FNIP1: variants seen among roughly 807,000 people sequenced by gnomAD.
The protein encoded by FNIP1 is folliculin interacting protein 1, also known as folliculin-interacting protein 1.
Under a neutral mutation model 124.5 loss-of-function variants are expected in FNIP1, and 40 were observed. The observed-to-expected ratio is 0.32, with a 90% CI of 0.25 to 0.42. FNIP1 has a LOEUF of 0.42. Among genes scored for constraint, FNIP1 ranks in the 10% least tolerant of loss-of-function variants. The pLI, the probability that FNIP1 is intolerant of heterozygous loss-of-function variation, is 1.00. For missense variants in FNIP1, 1,176 were observed against 1,403.7 expected, an observed-to-expected ratio of 0.84 and a Z score of 2.59; for synonymous variants, 472 against 470.6, an observed-to-expected ratio of 1.00 and a Z score of -0.04.
chr5:131,644,745 A>C lies in FNIP1; in HGVS notation c.3441T>G (p.Leu1147=), dbSNP rs769285164. The part of the protein sequence containing the change: ...GVVLGIESSD[L]PLLAAVASTH... ...TGCTTGCTACAGCAGCCAGAAGTGG[A>C]AGATCACTGGATTCAATCCTGAAAT... The change falls in exon 18 of 18, where the codon CTT becomes CTG. Residue 1147 remains leucine, a synonymous_variant. Transcript: ENST00000510461. 6.2e-7 allele frequency: 1 copy of C among 1,613,988 alleles called. No individual in the cohort carries two copies. Among genetic ancestry groups the C allele is most frequent in the African/African-American group, 1.3e-5 (1 of 75,042 alleles).
At chr5:131,715,854 A>G (rs1321761546) in intron 6 of FNIP1, among the ~76,000 whole-genome samples, 1 of 151,964 alleles carries the variant, frequency 6.6e-6, no homozygotes, top group Non-Finnish European at 1.5e-5. Flanking sequence ...ATTAAAATTA[A>G]TTATAAATAA....
At chr5:131,741,212 G>A (rs1224313530) in intron 2 of FNIP1, among the ~76,000 whole-genome samples, 3 of 151,878 alleles carry the variant, frequency 2.0e-5, no homozygotes, top group Admixed American at 6.6e-5. Flanking sequence ...ACCCCTTTCC[G>A]GTAACACTTC....
chr5:131,748,777 G>A (rs1203670377), intron 1 of FNIP1, among the ~76,000 whole-genome samples: 7 of 149,866 alleles, frequency 4.7e-5, no homozygotes, highest in Non-Finnish European at 7.4e-5. Context: ...ATTTTAAAGT[G>A]TACCCCTACT....
Position 131,671,797 on chromosome 5 carries a change from C to T in FNIP1, c.2647G>A (p.Glu883Lys), listed in dbSNP as rs762043233. Residue 883 changes from glutamate to lysine, a missense_variant, in exon 14 of 18, where the codon GAA becomes AAA. Coordinates refer to ENST00000510461, the MANE Select transcript of FNIP1 (RefSeq NM_133372.3). ...ACTGTTTCTATACATTTACAAAATT[C>T]ATTGTTCTGCTTGTTATTTTTTGTA... ...LCTKNNKQNN[E>K]FCKCIETVPQ... 24 of 1,614,006 alleles carry T rather than the reference C, an allele frequency of 1.5e-5. No individual in the cohort carries two copies. The highest frequency in any genetic ancestry group is 2.2e-5 in the East Asian group (1 of 44,870).
At chr5:131,751,585 GA>G (rs965729986) in intron 1 of FNIP1, among the ~76,000 whole-genome samples, 1 of 143,096 alleles carries the variant, frequency 7.0e-6, no homozygotes, top group African/African-American at 2.6e-5. Context: ...AAAAAAAAAA[GA>G]AGAAGAAAAA....
chr5:131,687,886 C>T (rs1374094046), intron 11 of FNIP1, among the ~76,000 whole-genome samples: 2 of 152,118 alleles, frequency 1.3e-5, no homozygotes, highest in African/African-American at 2.4e-5. Flanking sequence ...GGCTATGGTT[C>T]GGACAGAGGT....
chr5:131,712,586 T>C (rs1320409648), intron 6 of FNIP1, among the ~76,000 whole-genome samples: 1 of 152,202 alleles, frequency 6.6e-6, no homozygotes, highest in African/African-American at 2.4e-5. Flanking sequence ...TTTGTAAAAA[T>C]ATAAAACAAT....
chr5:131,724,472 C>CT (rs778401785), intron 3 of FNIP1, among the ~76,000 whole-genome samples: 12 of 152,060 alleles, frequency 7.9e-5, no homozygotes, highest in Middle Eastern at 3.4e-3. Context: ...TGATAAAGAG[C>CT]TTTTTTTTCA....
intron 1 of FNIP1, among the ~76,000 whole-genome samples, chr5:131,764,106 C>A (rs1771339373): frequency 6.6e-6 from 1 of 151,900 alleles, no homozygotes; most frequent in Non-Finnish European, 1.5e-5. Flanking sequence ...TGCTCCTGCT[C>A]TAGCCATGTG....
chr5:131,751,295 C>G (rs1770864751), intron 1 of FNIP1, among the ~76,000 whole-genome samples: 1 of 152,046 alleles, frequency 6.6e-6, no homozygotes. Context: ...CTAAAAAGTT[C>G]TTATTCATTC....
At chr5:131,791,602 G>A (rs144369464) in intron 1 of FNIP1, among the ~76,000 whole-genome samples, 2 of 152,314 alleles carry the variant, frequency 1.3e-5, no homozygotes, top group African/African-American at 4.8e-5. Context: ...ATATTGCTGG[G>A]AAACCATAAG....
At chr5:131,712,500 C>T (rs983839459) in intron 6 of FNIP1, among the ~76,000 whole-genome samples, 2 of 151,992 alleles carry the variant, frequency 1.3e-5, no homozygotes, top group South Asian at 4.1e-4. Flanking sequence ...TACACTTCAA[C>T]GAAAATATCA....
chr5:131,749,559 T>G (rs1770797955), intron 1 of FNIP1, among the ~76,000 whole-genome samples: 1 of 152,034 alleles, frequency 6.6e-6, no homozygotes, highest in Non-Finnish European at 1.5e-5. Flanking sequence ...GCCTGGCTAA[T>G]TTTTATATTT....
chr5:131,713,362 A>T (rs866023247), intron 6 of FNIP1, among the ~76,000 whole-genome samples: 87 of 152,084 alleles, frequency 5.7e-4, no homozygotes, highest in African/African-American at 2.1e-3. Flanking sequence ...CCCTTCTTAA[A>T]GCCAGCATTC....
chr5:131,739,231 T>C (rs1248309543), intron 2 of FNIP1, among the ~76,000 whole-genome samples: 1 of 152,216 alleles, frequency 6.6e-6, no homozygotes, highest in Non-Finnish European at 1.5e-5. Flanking sequence ...TTCATCCTGA[T>C]GTACACTGTA....
Position 131,796,964 on chromosome 5 carries a change from T to C in FNIP1, c.-43A>G. On this transcript the variant is annotated 5_prime_UTR_variant, in exon 1 of 18. Transcript: ENST00000510461. ...AGGGGTCGCTCCGCTGGGCGCTTGC[T>C]AGGCCCCTGCTCCTACAGCCGCCCC... 1.3e-6 allele frequency: 2 copies of C among 1,539,834 alleles called. No homozygotes were observed. The highest frequency in any genetic ancestry group is 1.8e-6 in the Non-Finnish European group (2 of 1,134,152).
At chr5:131,675,740 GGGAGGA>G (rs199748049) in intron 13 of FNIP1, among the ~76,000 whole-genome samples, 1 of 152,100 alleles carries the variant, frequency 6.6e-6, no homozygotes, top group African/African-American at 2.4e-5. Flanking sequence ...GAAGGAGATG[GGGAGGA>G]GGAGGAGGAG....
intron 15 of FNIP1, among the ~76,000 whole-genome samples, chr5:131,660,750 G>T (rs1459400826): frequency 6.6e-6 from 1 of 152,154 alleles, no homozygotes; most frequent in African/African-American, 2.4e-5. Context: ...TTACAAATTT[G>T]GGGGCTCATC....
At chr5:131,647,622 C>T (rs1158967232) in intron 16 of FNIP1, among the ~76,000 whole-genome samples, 5 of 151,928 alleles carry the variant, frequency 3.3e-5, no homozygotes, top group Non-Finnish European at 1.5e-5. Context: ...TACAGCCATG[C>T]GCACCACACC....
Sources: allele counts gnomAD v4.1 joint callset (sites outside exome capture counted in the v4.1 genomes callset), GRCh38; gene constraint gnomAD v4.1.1; transcripts MANE v1.5; gene names NCBI Gene and HGNC (gene_info 2026-07-23, HGNC 2026-07-21).